DHX32: variants seen among roughly 807,000 people sequenced by gnomAD.
The protein encoded by DHX32 is DEAH-box helicase 32 (putative).
In DHX32, 51 loss-of-function variants were observed where a neutral mutation model predicts 70.0. That is an observed-to-expected ratio of 0.73 (90% confidence interval 0.58 to 0.92). The LOEUF is 0.92. Among genes scored for constraint, DHX32 ranks in the 40% least tolerant of loss-of-function variants. DHX32 has a pLI of 0.00. For synonymous variants in DHX32, 310 were observed against 315.3 expected (o/e 0.98, Z 0.18); for missense variants, 762 against 891.8 (o/e 0.85, Z 1.85).
At chr10:125,877,221 T>C (rs916765447) in intron 1 of DHX32, among the ~76,000 whole-genome samples, 1 of 152,188 alleles carries the variant, frequency 6.6e-6, no homozygotes, top group Non-Finnish European at 1.5e-5. Context: ...CTAGGAAAAT[T>C]ATACTCAGTC....
intron 6 of DHX32, among the ~76,000 whole-genome samples, chr10:125,851,986 T>C (rs1944096610): frequency 6.6e-6 from 1 of 151,752 alleles, no homozygotes; most frequent in Non-Finnish European, 1.5e-5. Flanking sequence ...TTCTTCTTTC[T>C]GCTGATTCAC....
At position 125,893,860 on chromosome 10, in the gene DHX32, C is replaced by T. The variant is rs546765713; in HGVS notation, c.-248+2358G>A. Among the ~76,000 whole-genome samples the T allele has an allele frequency of 6.5e-3, 987 of 152,362 alleles. 1 individual carries two copies. The highest frequency in any genetic ancestry group is 0.022 in the African/African-American group (923 of 41,576). On this transcript the variant is annotated intron_variant, in intron 1 of 2. Transcript: ENST00000415732. Reference sequence around the variant, plus strand: ...GAACTATTAATAACATGTTCATTTGCTACATTTTTTATCAACCTATTTGCA... The same window carrying T: ...GAACTATTAATAACATGTTCATTTGTTACATTTTTTATCAACCTATTTGCA...
chr10:125,843,002 CA>C (rs1854923662), intron 6 of DHX32, among the ~76,000 whole-genome samples: 1 of 151,604 alleles, frequency 6.6e-6, no homozygotes, highest in African/African-American at 2.4e-5. Context: ...TGGCAAAAAC[CA>C]CAATTATTTT....
intron 6 of DHX32, among the ~76,000 whole-genome samples, chr10:125,848,274 T>C (rs926362388): frequency 2.6e-5 from 4 of 152,336 alleles, no homozygotes; most frequent in Non-Finnish European, 5.9e-5. Context: ...GAAAGGCTTC[T>C]GCTTCACTTA....
In DHX32 at chr10:125,878,996, C is replaced by T. The variant is rs150335740; in HGVS notation, c.282+1547G>A. Among the ~76,000 whole-genome samples, 135 of 149,104 alleles carry T rather than the reference C, an allele frequency of 9.1e-4. No homozygotes were observed. In the East Asian group the frequency reaches 0.02, roughly 22 times the overall value. ...GTGCTGAGATTACAGGCATGAGCCA[C>T]AGCGCCCAGCCTTTTCTTGTTTTTT... On this transcript the variant is annotated intron_variant, in intron 1 of 10. Coordinates refer to ENST00000284690, the MANE Select transcript of DHX32 (RefSeq NM_018180.3).
intron 1 of DHX32, among the ~76,000 whole-genome samples, chr10:125,892,914 C>T (rs79193791): frequency 6.6e-6 from 1 of 151,966 alleles, no homozygotes; most frequent in Admixed American, 6.6e-5. Context: ...AATGCAATGA[C>T]CCCTAACTAA....
rs73381248 is a variant in DHX32 at position 125,851,959 on chromosome 10, A to G, written c.1351+334T>C. Among the ~76,000 whole-genome samples the G allele has an allele frequency of 4.7e-3, 711 of 151,336 alleles. 7 individuals are homozygous for G. The highest frequency in any genetic ancestry group is 0.016 in the African/African-American group (645 of 41,206). On this transcript the variant is annotated intron_variant, in intron 6 of 10. Coordinates refer to ENST00000284690, the MANE Select transcript of DHX32 (RefSeq NM_018180.3). The stretch of plus-strand genomic sequence containing the variant: ...AAAAAAAAGAAAAGAAAAAAGGACA[A>G]TTCAAGCTGCTGAGAATTCTTCTTT...
intron 1 of DHX32, among the ~76,000 whole-genome samples, chr10:125,890,884 A>G (rs1490433115): frequency 2.6e-5 from 4 of 152,180 alleles, no homozygotes; most frequent in African/African-American, 9.7e-5. Flanking sequence ...TAGCCTGGGC[A>G]ACACAGTGAG....
At chr10:125,859,485 T>C in intron 3 of DHX32, 118 bp downstream of exon 3, 1 of 1,108,764 alleles carries the variant, frequency 9.0e-7, no homozygotes, top group Non-Finnish European at 1.3e-6. Flanking sequence ...TTTAATGAGG[T>C]GTGATGAAAC....
intron 1 of DHX32, among the ~76,000 whole-genome samples, chr10:125,868,649 T>C (rs1944237350): frequency 6.6e-6 from 1 of 152,198 alleles, no homozygotes; most frequent in Admixed American, 6.5e-5. Flanking sequence ...TTTAAGATAC[T>C]GCGCTCAGGA....
At position 125,848,879 on chromosome 10, in the gene DHX32, T is replaced by G. The variant is rs78695720; in HGVS notation, c.1351+3414A>C. The stretch of plus-strand genomic sequence containing the variant: ...CTCTATGAACCAATTGCTTTGATTA[T>G]CCTCATATTCAGATAAATGAAGTGA... On this transcript the variant is annotated intron_variant, in intron 6 of 10. Transcript: ENST00000284690. Among the ~76,000 whole-genome samples, 493 of 152,318 alleles carry G rather than the reference T, an allele frequency of 3.2e-3. 4 individuals carry two copies. Among genetic ancestry groups the G allele is most frequent in the African/African-American group, 0.011 (458 of 41,566 alleles).
At chr10:125,857,736 C>T (rs1944157652) in intron 3 of DHX32, among the ~76,000 whole-genome samples, 1 of 152,262 alleles carries the variant, frequency 6.6e-6, no homozygotes, top group African/African-American at 2.4e-5. Flanking sequence ...ATCTGCACCT[C>T]AGTTCTGTTA....
intron 6 of DHX32, among the ~76,000 whole-genome samples, chr10:125,851,297 G>T (rs1370936723): frequency 6.6e-6 from 1 of 152,168 alleles, no homozygotes; most frequent in East Asian, 1.9e-4. Flanking sequence ...TGTGTGTATT[G>T]TCAGGAGACA....
In DHX32 at chr10:125,838,973, A is replaced by G. The variant is rs763764979; in HGVS notation, c.1881+28T>C. On this transcript the variant is annotated intron_variant, in intron 9 of 10. Transcript: ENST00000284690. ...GAGTATGTGCAATTCAGCAGAGCCT[A>G]TGCTGAGGTGACCCCACCCCTTCTC... 6.2e-6 allele frequency: 10 copies of G among 1,603,466 alleles called. No individual in the cohort carries two copies. The South Asian group carries it at 7.8e-5, about 12-fold the overall frequency.
intron 10 of DHX32, 55 bp from the exon 11 acceptor site, chr10:125,836,910 A>G (rs1464198165): frequency 3.3e-6 from 5 of 1,515,876 alleles, no homozygotes; most frequent in Non-Finnish European, 4.5e-6. Context: ...GGTGAGAGAC[A>G]CCAAACATTA....
At chr10:125,872,471 G>C (rs1275634290) in intron 1 of DHX32, among the ~76,000 whole-genome samples, 1 of 152,162 alleles carries the variant, frequency 6.6e-6, no homozygotes, top group East Asian at 1.9e-4. Flanking sequence ...ACAATATGGT[G>C]AAGAAACAGA....
intron 2 of DHX32, among the ~76,000 whole-genome samples, chr10:125,862,992 TAC>T (rs1283598557): frequency 6.6e-6 from 1 of 152,074 alleles, no homozygotes; most frequent in African/African-American, 2.4e-5. Context: ...AAAAAATAGA[TAC>T]ACTACCAAGG....
At chr10:125,855,423 G>T (rs1188439035) in intron 3 of DHX32, among the ~76,000 whole-genome samples, 1 of 150,528 alleles carries the variant, frequency 6.6e-6, no homozygotes, top group Non-Finnish European at 1.5e-5. Context: ...GCCCATTCAT[G>T]AGCAATTTCC....
rs1315573882 is a variant in DHX32 at position 125,838,237 on chromosome 10, T to C, written c.2032A>G (p.Ile678Val). The stretch of plus-strand genomic sequence containing the variant: ...GGAGAGATTTCTGAGGTAATCCTGA[T>C]GTAGTTGTTCTCAGAAATGCTGAAT... ...HKFSISENNY[I>V]RITSEISPEL... Residue 678 changes from isoleucine (I) to valine (V), a missense_variant, in exon 10 of 11, where the codon ATC (isoleucine) becomes GTC (valine). Transcript: ENST00000284690. The C allele has an allele frequency of 6.2e-7, 1 of 1,611,672 alleles. No individual in the cohort carries two copies. The highest frequency in any genetic ancestry group is 1.1e-5 in the South Asian group (1 of 90,180).
Sources: gnomAD v4.1 joint callset for allele counts (sites outside exome capture counted in the v4.1 genomes callset) on GRCh38, gnomAD v4.1.1 for gene constraint, MANE v1.5 for transcripts, NCBI Gene and HGNC (gene_info 2026-07-23, HGNC 2026-07-21) for gene names.